Variants in TRPM3 observed in about 807,000 individuals in gnomAD.
The protein encoded by TRPM3 is transient receptor potential cation channel subfamily M member 3.
Under a neutral mutation model 181.2 loss-of-function variants are expected in TRPM3, and 77 were observed. That is an observed-to-expected ratio of 0.42 (90% confidence interval 0.35 to 0.51). The LOEUF (loss-of-function observed/expected upper bound fraction) is 0.51. Among genes scored for constraint, TRPM3 ranks in the 20% least tolerant of loss-of-function variants. The pLI is 0.01. For missense variants in TRPM3, 1,759 were observed against 2,196.7 expected, an observed-to-expected ratio of 0.80 and a Z score of 3.98; for synonymous variants, 745 against 796.4, an observed-to-expected ratio of 0.94 and a Z score of 1.09.
chr9:70,990,363 A>T (rs534336791), intron 1 of TRPM3, among the ~76,000 whole-genome samples: 1 of 152,310 alleles, frequency 6.6e-6, no homozygotes, highest in South Asian at 2.1e-4. Flanking sequence ...GTAAAAATGA[A>T]TGAGATTGCC....
chr9:71,378,831 T>C (rs562866743), intron 1 of TRPM3, among the ~76,000 whole-genome samples: 1 of 152,156 alleles, frequency 6.6e-6, no homozygotes, highest in Non-Finnish European at 1.5e-5. Context: ...GCCTTTATAC[T>C]AAATACTATT....
At chr9:70,774,500 T>C (rs2080964159) in intron 7 of TRPM3, 1 of 152,152 alleles carries the variant, frequency 6.6e-6, no homozygotes, top group Admixed American at 6.6e-5. Flanking sequence ...AAGTCAAAAG[T>C]TATACATGGA....
At chr9:71,020,912 C>G (rs540326783) in intron 1 of TRPM3, among the ~76,000 whole-genome samples, 2 of 152,176 alleles carry the variant, frequency 1.3e-5, no homozygotes, top group African/African-American at 4.8e-5. Context: ...TCTATGTACT[C>G]AAATAGAGGT....
At chr9:71,260,554 C>T (rs1010343474) in intron 1 of TRPM3, among the ~76,000 whole-genome samples, 1 of 152,096 alleles carries the variant, frequency 6.6e-6, no homozygotes, top group Non-Finnish European at 1.5e-5. Context: ...TTCTCATTTC[C>T]TTGAGCAGTG....
chr9:71,056,613 T>C (rs1054892324), intron 1 of TRPM3, among the ~76,000 whole-genome samples: 4 of 151,992 alleles, frequency 2.6e-5, no homozygotes, highest in Non-Finnish European at 1.5e-5. Flanking sequence ...AATTAAGTCT[T>C]CAGTGTGAGC....
intron 1 of TRPM3, among the ~76,000 whole-genome samples, chr9:71,118,683 CT>C (rs1333635727): frequency 6.6e-6 from 1 of 152,080 alleles, no homozygotes; most frequent in Non-Finnish European, 1.5e-5. Flanking sequence ...GGAATAAGCA[CT>C]ACCTGTTGAA....
chr9:71,212,622 C>T (rs1024092167), intron 1 of TRPM3, among the ~76,000 whole-genome samples: 1 of 152,158 alleles, frequency 6.6e-6, no homozygotes, highest in Admixed American at 6.5e-5. Flanking sequence ...ATGGCTGACA[C>T]TAGCATTCCC....
intron 22 of TRPM3, among the ~76,000 whole-genome samples, chr9:70,577,089 G>A (rs1010197259): frequency 1.3e-5 from 2 of 152,088 alleles, no homozygotes; most frequent in African/African-American, 2.4e-5. Context: ...TTTCTCCCTG[G>A]CAGTTATGAC....
chr9:71,377,829 C>T (rs2092702581), intron 1 of TRPM3, among the ~76,000 whole-genome samples: 1 of 151,944 alleles, frequency 6.6e-6, no homozygotes, highest in African/African-American at 2.4e-5. Flanking sequence ...TAAAAAAACT[C>T]ATATGTACTA....
chr9:70,602,952 G>A (rs562195827), intron 20 of TRPM3, among the ~76,000 whole-genome samples: 8 of 152,250 alleles, frequency 5.3e-5, no homozygotes, highest in South Asian at 2.1e-4. Flanking sequence ...TAAAGCAGCC[G>A]AAATACATCC....
At chr9:70,750,861 G>A (rs372802804) in intron 8 of TRPM3, among the ~76,000 whole-genome samples, 7 of 152,196 alleles carry the variant, frequency 4.6e-5, no homozygotes, top group South Asian at 2.1e-4. Flanking sequence ...ACATCCAAGC[G>A]CAAGCTGTAA....
chr9:70,692,788 C>T (rs1198976074), intron 8 of TRPM3, among the ~76,000 whole-genome samples: 1 of 152,210 alleles, frequency 6.6e-6, no homozygotes, highest in African/African-American at 2.4e-5. Context: ...ACTTTGAATG[C>T]TGCATATGGC....
intron 25 of TRPM3, among the ~76,000 whole-genome samples, chr9:70,540,177 A>G (rs2042916927): frequency 6.6e-6 from 1 of 152,238 alleles, no homozygotes; most frequent in African/African-American, 2.4e-5. Flanking sequence ...TGTTCATTGA[A>G]GTCCAGAGGA....
intron 10 of TRPM3, among the ~76,000 whole-genome samples, chr9:70,640,139 C>T (rs2057831470): frequency 6.6e-6 from 1 of 152,190 alleles, no homozygotes; most frequent in Non-Finnish European, 1.5e-5. Flanking sequence ...CAGATGGCGC[C>T]TGCAGAGGGA....
chr9:71,424,033 T>C (rs991492379), intron 1 of TRPM3, among the ~76,000 whole-genome samples: 2 of 152,148 alleles, frequency 1.3e-5, no homozygotes, highest in Non-Finnish European at 2.9e-5. Context: ...CACCGCTCAA[T>C]AGTTTTTCAA....
intron 1 of TRPM3, among the ~76,000 whole-genome samples, chr9:70,962,635 C>G (rs1466116908): frequency 4.6e-5 from 7 of 152,126 alleles, no homozygotes; most frequent in Admixed American, 4.6e-4. Context: ...GCAACATAAA[C>G]TATGTTTTCT....
chr9:70,627,265 CTTTTTTTTTTTTT>C (rs1175860330), intron 12 of TRPM3, among the ~76,000 whole-genome samples: 1 of 79,544 alleles, frequency 1.3e-5, no homozygotes, highest in Admixed American at 1.8e-4. Context: ...TCCATTGCTG[CTTTTTTTTTTTTT>C]TTTTTTTTTT....
chr9:70,671,991 A>G (rs1043024390), intron 9 of TRPM3, among the ~76,000 whole-genome samples: 1 of 148,384 alleles, frequency 6.7e-6, no homozygotes, highest in African/African-American at 2.5e-5. Context: ...GCTGGTCTTG[A>G]ACTCCTGACC....
intron 7 of TRPM3, among the ~76,000 whole-genome samples, chr9:70,762,235 C>A (rs937791797): frequency 1.3e-5 from 2 of 152,198 alleles, no homozygotes; most frequent in African/African-American, 4.8e-5. Flanking sequence ...AAAATCATTT[C>A]ATGTAGGCAG....
Sources: gnomAD v4.1 joint callset for allele counts (sites outside exome capture counted in the v4.1 genomes callset) on GRCh38, gnomAD v4.1.1 for gene constraint, MANE v1.5 for transcripts, NCBI Gene and HGNC (gene_info 2026-07-23, HGNC 2026-07-21) for gene names.